Variants in SI observed in about 807,000 individuals in gnomAD.
SI encodes sucrase-isomaltase, intestinal.
In SI, 235 loss-of-function variants were observed where a neutral mutation model predicts 253.3. That is an observed-to-expected ratio of 0.93 (90% CI 0.83 to 1.03). The LOEUF (loss-of-function observed/expected upper bound fraction) is 1.03, where lower values mean the gene tolerates loss of function less well. Among genes scored for constraint, SI ranks in the 50% least tolerant of loss-of-function variants. The pLI, the probability that SI is intolerant of heterozygous loss-of-function variation, is 0.00. For missense variants in SI, 2,442 were observed against 2,211.1 expected (o/e 1.10, Z -2.09); for synonymous variants, 819 against 712.0 (o/e 1.15, Z -2.39).
chr3:165,039,177 C>T (rs1198251443), intron 19 of SI, 43 bp from the exon 20 acceptor site: 1 of 1,311,254 alleles, frequency 7.6e-7, no homozygotes. Flanking sequence ...CAATTTTTAA[C>T]AAGGAGGATC....
chr3:165,002,710 A>G (rs2108147020), intron 37 of SI, among the ~76,000 whole-genome samples: 1 of 151,866 alleles, frequency 6.6e-6, no homozygotes, highest in African/African-American at 2.4e-5. Context: ...GTCTTTATAC[A>G]TGTAATTAAT....
intron 1 of SI, among the ~76,000 whole-genome samples, chr3:165,076,979 T>G (rs903459019): frequency 3.6e-5 from 4 of 111,304 alleles, no homozygotes; most frequent in South Asian, 3.1e-4. Flanking sequence ...TCACGGTTTG[T>G]TTTTTTTTTT....
chr3:165,009,366 A>G lies in SI; in HGVS notation c.4092T>C (p.Asp1364=). The change falls in exon 35 of 48, where the codon GAT becomes GAC. Residue 1364 remains aspartate, a synonymous_variant. Coordinates refer to ENST00000264382, the MANE Select transcript of SI (RefSeq NM_001041.4). The part of the protein sequence containing the change: ...NASRAHVAFP[D]FFRTSTAEWW... The stretch of plus-strand genomic sequence containing the variant: ...ACTCTGCTGTGGAAGTCCTGAAGAA[A>G]TCTGGGAAAGCTACATGAGCTCTGG... The G allele has an allele frequency of 6.2e-7, 1 of 1,613,464 alleles. No homozygotes were observed. The highest frequency in any genetic ancestry group is 2.2e-5 in the East Asian group (1 of 44,808).
intron 20 of SI, among the ~76,000 whole-genome samples, chr3:165,038,715 C>A (rs561499970): frequency 9.2e-5 from 14 of 151,882 alleles, no homozygotes; most frequent in Admixed American, 5.3e-4. Context: ...ATAAGACTAG[C>A]TCAGTACTCA....
chr3:165,053,068 T>C (rs1713512311), intron 13 of SI, among the ~76,000 whole-genome samples: 1 of 151,800 alleles, frequency 6.6e-6, no homozygotes, highest in Admixed American at 6.6e-5. Context: ...TATTTTAATT[T>C]TAAAAATATT....
Position 165,013,048 on chromosome 3 carries a change from A to G in SI, c.4000-6T>C, listed in dbSNP as rs376362035. The G allele has an allele frequency of 1.8e-5, 28 of 1,588,834 alleles. No homozygotes were observed. In the African/African-American group the frequency reaches 3.2e-4, roughly 18 times the overall value. On this transcript the variant is annotated splice_region_variant and splice_polypyrimidine_tract_variant and intron_variant, in intron 33 of 47. Coordinates refer to ENST00000264382, the MANE Select transcript of SI (RefSeq NM_001041.4). ...TTGGGCAAATCTGGCCAAACCTACA[A>G]GAGACAAGACATGGAAAAGCTGATC...
At chr3:164,987,421 C>A (rs1366741024) in intron 44 of SI, among the ~76,000 whole-genome samples, 195 bp from the exon 45 acceptor site, 1 of 152,054 alleles carries the variant, frequency 6.6e-6, no homozygotes, top group Non-Finnish European at 1.5e-5. Context: ...TAAAATTCTT[C>A]ATATTTAGGC....
chr3:165,000,830 T>C (rs1188910557), intron 37 of SI, among the ~76,000 whole-genome samples: 1 of 151,442 alleles, frequency 6.6e-6, no homozygotes, highest in Non-Finnish European at 1.5e-5. Context: ...CAGAAGAGTT[T>C]GTTCTTTGTT....
rs761346890 is a variant in SI, at chr3:165,016,028, A to G, written c.3812T>C (p.Ile1271Thr). Residue 1271 changes from isoleucine (I) to threonine (T), a missense_variant, in exon 32 of 48, where the codon ATT (isoleucine) becomes ACT (threonine). Transcript: ENST00000264382. ...DYMERQLDFT[I>T]GEAFQDLPQF... is the part of the protein sequence containing the mutation. ...AGGAAGGTCCTGGAATGCTTCACCA[A>G]TTGTAAAGTCTAGCTGCCTTTCCAT... The G allele has an allele frequency of 6.2e-7, 1 of 1,612,320 alleles. No individual in the cohort carries two copies. Among genetic ancestry groups the G allele is most frequent in the Admixed American group, 1.7e-5 (1 of 59,978 alleles).
chr3:165,068,575 C>G, intron 5 of SI, 147 bp downstream of exon 5: 1 of 690,966 alleles, frequency 1.4e-6, no homozygotes, highest in Non-Finnish European at 2.7e-6. Flanking sequence ...GGGTTTCACC[C>G]TGTTAGCCAG....
At chr3:164,986,538 A>G (rs1307209774) in intron 45 of SI, among the ~76,000 whole-genome samples, 2 of 152,084 alleles carry the variant, frequency 1.3e-5, no homozygotes, top group Non-Finnish European at 2.9e-5. Flanking sequence ...GTCCAATCAC[A>G]TTTCTACATG....
intron 15 of SI, among the ~76,000 whole-genome samples, chr3:165,048,861 C>G (rs537805604): frequency 5.3e-5 from 8 of 152,124 alleles, no homozygotes; most frequent in African/African-American, 1.7e-4. Context: ...AGGTGTTGTG[C>G]CTGCCTCGGC....
intron 9 of SI, among the ~76,000 whole-genome samples, chr3:165,061,665 T>A (rs966397044): frequency 4.6e-5 from 7 of 152,048 alleles, no homozygotes; most frequent in Non-Finnish European, 7.4e-5. Flanking sequence ...AAAATAATTT[T>A]CTTTTCCATT....
intron 6 of SI, 111 bp downstream of exon 6, chr3:165,067,229 C>T: frequency 1.3e-6 from 1 of 799,574 alleles, no homozygotes; most frequent in Non-Finnish European, 2.0e-6. Flanking sequence ...ACCTATCCAC[C>T]TACCCTCTTT....
At chr3:165,026,826 C>G (rs1245367052) in intron 25 of SI, among the ~76,000 whole-genome samples, 1 of 151,116 alleles carries the variant, frequency 6.6e-6, no homozygotes, top group Non-Finnish European at 1.5e-5. Context: ...ATACGCAGTA[C>G]TAAGAAGAAA....
chr3:165,006,880 T>C lies in SI; in HGVS notation c.4342A>G (p.Thr1448Ala). The change falls in exon 37 of 48, where the codon ACA (threonine) becomes GCA (alanine). Residue 1448 changes from threonine (T) to alanine (A), a missense_variant. Thr to Ala is a moderately conservative substitution (Grantham distance 58). Transcript: ENST00000264382. ...MEAEQILSDG[T>A]SVLHYDVHNL... is the part of the protein sequence containing the mutation. ...TGAACATCGTAATGCAAAACTGATG[T>C]TCCATCACTAAGAATCTGCTCAGCT... 1 of 1,610,812 alleles carries C rather than the reference T, an allele frequency of 6.2e-7. No individual in the cohort carries two copies. Among genetic ancestry groups the C allele is most frequent in the Non-Finnish European group, 8.5e-7 (1 of 1,177,170 alleles).
Position 165,017,554 on chromosome 3 carries a change from G to C in SI, c.3753C>G (p.Ile1251Met), listed in dbSNP as rs575588245. 1 of 1,611,464 alleles carries C rather than the reference G, an allele frequency of 6.2e-7. No homozygotes were observed. The highest frequency in any genetic ancestry group is 2.2e-5 in the East Asian group (1 of 44,742). The part of the protein sequence containing the change: ...ELYDAMVAAN[I>M]PYDVQYTDID... ...TTAAAATTGATATACATACATAGGGGATGTTAGCAGCCACCATAGCGTCAT... is the reference window on the plus strand; with the variant it reads ...TTAAAATTGATATACATACATAGGGCATGTTAGCAGCCACCATAGCGTCAT... The change falls in exon 31 of 48, where the codon ATC (isoleucine) becomes ATG (methionine). Residue 1251 changes from isoleucine (I) to methionine (M), a missense_variant. Coordinates refer to ENST00000264382, the MANE Select transcript of SI (RefSeq NM_001041.4).
In SI at chr3:165,021,397, G is replaced by A. The variant is rs112936656; in HGVS notation, c.3100-14C>T. The A allele has an allele frequency of 1.4e-4, 222 of 1,605,946 alleles. No homozygotes were observed. In the African/African-American group the frequency reaches 2.7e-3, roughly 19 times the overall value. ...GGGATCATAAATCTATTGCAGATAA[G>A]TAGTAAAAAAGTTTATTCTGATTGC... On this transcript the variant is annotated splice_polypyrimidine_tract_variant and intron_variant, in intron 26 of 47. Transcript: ENST00000264382.
In SI at chr3:165,076,020, C is replaced by T. The variant is rs777915126; in HGVS notation, c.1-8G>A. The T allele has an allele frequency of 6.5e-7, 1 of 1,533,946 alleles. No homozygotes were observed. Among genetic ancestry groups the T allele is most frequent in the Non-Finnish European group, 9.0e-7 (1 of 1,114,446 alleles). ...AAATTTCTTTCTTGCCATCTAAAAA[C>T]AGAAAAGAATATATATTTAAAATGT... On this transcript the variant is annotated splice_region_variant and splice_polypyrimidine_tract_variant and intron_variant, in intron 1 of 47. Coordinates refer to ENST00000264382, the MANE Select transcript of SI (RefSeq NM_001041.4).
Sources: gnomAD v4.1 joint callset for allele counts (sites outside exome capture counted in the v4.1 genomes callset) on GRCh38, gnomAD v4.1.1 for gene constraint, MANE v1.5 for transcripts, NCBI Gene and HGNC (gene_info 2026-07-23, HGNC 2026-07-21) for gene names.